The following LSAMP variants were observed in gnomAD, a reference collection of about 807,000 sequenced individuals.
LSAMP encodes limbic system associated membrane protein, also known as limbic system-associated membrane protein.
LSAMP carries 7 observed loss-of-function variants against 38.6 expected under a neutral mutation model. The ratio of observed to expected loss-of-function variants is 0.18; its 90% CI spans 0.10 to 0.34. The LOEUF is 0.34. Among genes scored for constraint, LSAMP ranks in the 10% least tolerant of loss-of-function variants. The probability of loss-of-function intolerance (pLI) is 1.00; values close to 1 mark genes in which losing one functional copy is unlikely to be tolerated. For synonymous variants in LSAMP, 154 were observed against 166.8 expected (o/e 0.92, Z 0.59); for missense variants, 313 against 420.0 (o/e 0.75, Z 2.23).
At chr3:116,381,612 G>T (rs1198727296) in intron 1 of LSAMP, among the ~76,000 whole-genome samples, 1 of 152,004 alleles carries the variant, frequency 6.6e-6, no homozygotes, top group African/African-American at 2.4e-5. Context: ...TTATAAGCTG[G>T]ATACAACCTA....
chr3:115,981,452 T>C (rs1939358322), intron 3 of LSAMP, among the ~76,000 whole-genome samples: 1 of 152,216 alleles, frequency 6.6e-6, no homozygotes, highest in Admixed American at 6.6e-5. Flanking sequence ...TTTTGAAAGC[T>C]ACAAAATACA....
At chr3:115,929,442 T>G (rs973025274) in intron 3 of LSAMP, among the ~76,000 whole-genome samples, 1 of 152,048 alleles carries the variant, frequency 6.6e-6, no homozygotes, top group African/African-American at 2.4e-5. Flanking sequence ...TTGAATATCC[T>G]GTACATAAGT....
At chr3:116,431,582 T>A (rs774444954) in intron 1 of LSAMP, among the ~76,000 whole-genome samples, 15 of 152,122 alleles carry the variant, frequency 9.9e-5, no homozygotes, top group Non-Finnish European at 1.8e-4. Flanking sequence ...AGTGTTTGTA[T>A]AATTATGCTC....
intron 3 of LSAMP, among the ~76,000 whole-genome samples, chr3:116,012,313 CT>C (rs1940353932): frequency 6.6e-6 from 1 of 152,132 alleles, no homozygotes; most frequent in Non-Finnish European, 1.5e-5. Context: ...CTCTCTGTTG[CT>C]GTTCAATGGC....
At chr3:116,089,325 G>A (rs1224495379) in intron 1 of LSAMP, among the ~76,000 whole-genome samples, 1 of 152,138 alleles carries the variant, frequency 6.6e-6, no homozygotes, top group African/African-American at 2.4e-5. Context: ...ACAAACAAGT[G>A]AATAGTATAT....
intron 1 of LSAMP, among the ~76,000 whole-genome samples, chr3:116,261,449 T>C (rs537322751): frequency 3.3e-5 from 5 of 152,216 alleles, no homozygotes; most frequent in Admixed American, 2.6e-4. Context: ...CATTGAATTA[T>C]CAGCATGTCA....
intron 6 of LSAMP, among the ~76,000 whole-genome samples, chr3:115,833,909 C>T (rs1934700336): frequency 6.6e-6 from 1 of 152,028 alleles, no homozygotes; most frequent in Non-Finnish European, 1.5e-5. Context: ...GTTGTGGCTG[C>T]ACCTTGCGTC....
intron 1 of LSAMP, among the ~76,000 whole-genome samples, chr3:116,392,490 C>G (rs1253369080): frequency 6.6e-6 from 1 of 152,238 alleles, no homozygotes; most frequent in East Asian, 1.9e-4. Flanking sequence ...TCAGCCTCCT[C>G]TGGACTTAGG....
chr3:116,339,787 T>A (rs1449054334), intron 1 of LSAMP, among the ~76,000 whole-genome samples: 4 of 152,078 alleles, frequency 2.6e-5, no homozygotes, highest in African/African-American at 9.7e-5. Flanking sequence ...CTTCCCCAGC[T>A]GAGATCCCAG....
intron 6 of LSAMP, among the ~76,000 whole-genome samples, chr3:115,829,347 A>G (rs1934533947): frequency 6.6e-6 from 1 of 152,212 alleles, no homozygotes; most frequent in Admixed American, 6.5e-5. Context: ...AGAAAATCAG[A>G]AGGAAATCAG....
At chr3:115,961,465 T>C (rs1401754864) in intron 3 of LSAMP, among the ~76,000 whole-genome samples, 1 of 152,232 alleles carries the variant, frequency 6.6e-6, no homozygotes, top group African/African-American at 2.4e-5. Flanking sequence ...GTTTGTTTTT[T>C]TCCCCTCTTA....
intron 1 of LSAMP, among the ~76,000 whole-genome samples, chr3:116,135,547 A>G (rs566746867): frequency 4.0e-4 from 61 of 152,246 alleles, no homozygotes; most frequent in Admixed American, 7.9e-4. Flanking sequence ...AAACCACTAG[A>G]CTAGGCCTCT....
chr3:116,193,202 G>T (rs1199345099), intron 1 of LSAMP, among the ~76,000 whole-genome samples: 1 of 152,146 alleles, frequency 6.6e-6, no homozygotes, highest in East Asian at 1.9e-4. Flanking sequence ...GCAATTATTT[G>T]ATTTGTTCAA....
In LSAMP at chr3:115,805,476, C is replaced by T. The variant is rs1310606477; in HGVS notation, c.*4841G>A. The T allele has an allele frequency of 6.6e-6, 1 of 152,050 alleles. No individual in the cohort carries two copies. Among genetic ancestry groups the T allele is most frequent in the Non-Finnish European group, 1.5e-5 (1 of 68,026 alleles). The allele number at this position is 152,050 out of a possible 1,614,324, so 9.4% of individuals were successfully genotyped here. A position where few individuals can be genotyped will look rare whatever the true frequency, so the allele number is the denominator to read the frequency against. On this transcript the variant is annotated 3_prime_UTR_variant, in exon 7 of 7. Transcript: ENST00000490035. ...AAGTTTACATAGTTTATATTATGTA[C>T]ATAAACTAGTGATTTACATTGATTT...
intron 1 of LSAMP, among the ~76,000 whole-genome samples, chr3:116,149,404 T>C (rs1709560810): frequency 6.6e-6 from 1 of 152,110 alleles, no homozygotes; most frequent in Non-Finnish European, 1.5e-5. Flanking sequence ...CCTGGCTTGC[T>C]CACCAGAAGG....
chr3:115,941,975 A>G (rs1032970944), intron 3 of LSAMP, among the ~76,000 whole-genome samples: 1 of 152,032 alleles, frequency 6.6e-6, no homozygotes, highest in Non-Finnish European at 1.5e-5. Flanking sequence ...GAATATGTAT[A>G]ATCTTTGTCA....
chr3:116,104,509 A>G (rs1447079708), intron 1 of LSAMP, among the ~76,000 whole-genome samples: 1 of 152,196 alleles, frequency 6.6e-6, no homozygotes, highest in African/African-American at 2.4e-5. Context: ...TAATATGATA[A>G]AGAAAGATTT....
rs375682038 is a variant in LSAMP at position 116,002,741 on chromosome 3, C to CT, written c.514+16773dup. Among the ~76,000 whole-genome samples the CT allele has an allele frequency of 6.6e-3, 1,007 of 152,236 alleles. 5 individuals are homozygous for CT. Among genetic ancestry groups the CT allele is most frequent in the African/African-American group, 0.022 (919 of 41,540 alleles). The stretch of plus-strand genomic sequence containing the variant: ...GTAGACAAATGTCCTCTCTGCTAAC[C>CT]TTTTGCCCTCAGCTTACTTTGGCTG... On this transcript the variant is annotated intron_variant, in intron 3 of 6. Transcript: ENST00000490035.
At chr3:116,097,476 C>T (rs369598168) in intron 1 of LSAMP, among the ~76,000 whole-genome samples, 1 of 152,190 alleles carries the variant, frequency 6.6e-6, no homozygotes, top group African/African-American at 2.4e-5. Flanking sequence ...TAATATGACT[C>T]ATCATTACAT....
Sources: gnomAD v4.1 joint callset for allele counts (sites outside exome capture counted in the v4.1 genomes callset) on GRCh38, gnomAD v4.1.1 for gene constraint, MANE v1.5 for transcripts, NCBI Gene and HGNC (gene_info 2026-07-23, HGNC 2026-07-21) for gene names.